KIAA1671: variants seen among roughly 807,000 people sequenced by gnomAD.
The protein encoded by KIAA1671 is uncharacterized protein KIAA1671.
Under a neutral mutation model 131.2 loss-of-function variants are expected in KIAA1671, and 52 were observed. The ratio of observed to expected loss-of-function variants is 0.40; its 90% CI spans 0.32 to 0.50. The LOEUF is 0.50. Ranked by LOEUF, KIAA1671 falls within the 20% of genes least tolerant of loss-of-function variation. The pLI, the probability that KIAA1671 is intolerant of heterozygous loss-of-function variation, is 0.73. For synonymous variants in KIAA1671, 1,003 were observed against 961.6 expected (o/e 1.04, Z -0.80); for missense variants, 2,360 against 2,364.2 (o/e 1.00, Z 0.04).
chr22:24,994,832 T>C (rs1301835152), intron 1 of KIAA1671, among the ~76,000 whole-genome samples: 1 of 152,120 alleles, frequency 6.6e-6, no homozygotes, highest in African/African-American at 2.4e-5. Context: ...AGAGCTGTTG[T>C]ATCCTGAGCA....
chr22:25,140,276 T>C (rs1471579661), intron 6 of KIAA1671, among the ~76,000 whole-genome samples: 2 of 152,250 alleles, frequency 1.3e-5, no homozygotes, highest in Admixed American at 1.3e-4. Flanking sequence ...CTGTCCGCAG[T>C]TCCTTGCCAC....
chr22:25,119,437 C>T (rs1386377891), intron 6 of KIAA1671, among the ~76,000 whole-genome samples: 1 of 152,158 alleles, frequency 6.6e-6, no homozygotes, highest in Non-Finnish European at 1.5e-5. Context: ...TAATAAAAAC[C>T]ACTCATTCAT....
rs1569004384 is a variant in KIAA1671, at chr22:25,196,541, C to T, written c.*4140C>T. The T allele has an allele frequency of 1.3e-5, 2 of 152,104 alleles. No homozygotes were observed. The highest frequency in any genetic ancestry group is 2.9e-5 in the Non-Finnish European group (2 of 68,086). 9.4% of individuals were successfully genotyped at this position (152,104 alleles called of 1,614,324 possible). On this transcript the variant is annotated 3_prime_UTR_variant, in exon 13 of 13. Transcript: ENST00000358431. ...CCTCCAACTCCTGGGCTCAAGCAAT[C>T]CTCTCATCTCCACCTCCAGAGTAGC...
chr22:25,185,239 T>G, intron 11 of KIAA1671, 120 bp downstream of exon 11: 4 of 1,073,110 alleles, frequency 3.7e-6, no homozygotes, highest in Non-Finnish European at 5.2e-6. Flanking sequence ...TAATTTTCTC[T>G]AGCAGCAGAA....
intron 6 of KIAA1671, among the ~76,000 whole-genome samples, chr22:25,065,938 C>A (rs535616534): frequency 6.6e-6 from 1 of 152,186 alleles, no homozygotes; most frequent in East Asian, 1.9e-4. Flanking sequence ...TGCGCCTGAT[C>A]GAGACTGGGT....
intron 6 of KIAA1671, among the ~76,000 whole-genome samples, chr22:25,156,277 G>A (rs1407564532): frequency 1.3e-5 from 2 of 151,618 alleles, no homozygotes; most frequent in Non-Finnish European, 2.9e-5. Context: ...CGCCCTCCTC[G>A]GCTTCCCAAA....
At chr22:24,962,627 G>T (rs960102195) in intron 1 of KIAA1671, among the ~76,000 whole-genome samples, 1 of 152,216 alleles carries the variant, frequency 6.6e-6, no homozygotes, top group Non-Finnish European at 1.5e-5. Context: ...AGCATTAAAT[G>T]TGTTAACACA....
At chr22:24,971,831 G>C (rs1922631690) in intron 1 of KIAA1671, among the ~76,000 whole-genome samples, 1 of 152,162 alleles carries the variant, frequency 6.6e-6, no homozygotes, top group South Asian at 2.1e-4. Flanking sequence ...CCTCAAACAG[G>C]CTGGAATTCT....
chr22:25,027,845 TG>T, intron 2 of KIAA1671, 99 bp from the exon 3 acceptor site: 2 of 617,822 alleles, frequency 3.2e-6, no homozygotes, highest in Non-Finnish European at 5.4e-6. Context: ...GTATGGAATC[TG>T]GGGCTCAGGA....
Position 25,040,966 on chromosome 22 carries a change from A to C in KIAA1671, c.3836A>C (p.Gln1279Pro), listed in dbSNP as rs931986721. Residue 1279 changes from glutamine (Q) to proline (P), a missense_variant, in exon 5 of 13, where the codon CAG becomes CCG. By Grantham distance (76) the Gln-to-Pro change is moderately conservative (BLOSUM62 -1). Around this residue, in one of 3 missense-constraint regions of KIAA1671, gnomAD observed 1,161 missense variants for 1,204.7 expected, o/e 0.96. Transcript: ENST00000358431. ...AGTTTCACTCCTGGCTTAGGCAAGC[A>C]GCTGGCAGAGACCTTGGAGACAGCC... ...NHSFTPGLGK[Q>P]LAETLETAMG... The C allele has an allele frequency of 2.0e-4, 298 of 1,475,668 alleles. No individual in the cohort carries two copies. The highest frequency in any genetic ancestry group is 2.6e-4 in the Non-Finnish European group (292 of 1,112,610). The allele number at this position is 1,475,668 out of a possible 1,614,324, so 91.4% of individuals were successfully genotyped here.
Position 25,177,376 on chromosome 22 carries a change from T to C in KIAA1671, c.4928T>C (p.Leu1643Pro). 1.3e-6 allele frequency: 2 copies of C among 1,551,634 alleles called. No individual in the cohort carries two copies. Among genetic ancestry groups the C allele is most frequent in the Non-Finnish European group, 1.7e-6 (2 of 1,146,970 alleles). Residue 1643 changes from leucine to proline, a missense_variant, in exon 9 of 13, where the codon CTC becomes CCC. Transcript: ENST00000358431. ...ACCTCAGTCCTCGACTCAAGTGCCC[T>C]CAAGACCCGGGTGCAGCTCAGCAAG... is the stretch of plus-strand genomic sequence containing the variant. ...DQTSVLDSSA[L>P]KTRVQLSKRS...
At chr22:25,140,206 G>T (rs1234810027) in intron 6 of KIAA1671, among the ~76,000 whole-genome samples, 3 of 152,142 alleles carry the variant, frequency 2.0e-5, no homozygotes, top group African/African-American at 7.2e-5. Context: ...CATTTCCTTG[G>T]GGTAGAGGAC....
At position 25,181,841 on chromosome 22, in the gene KIAA1671, A is replaced by T; in HGVS notation, c.5199+18A>T. 1.3e-6 allele frequency: 2 copies of T among 1,549,428 alleles called. No individual in the cohort carries two copies. Among genetic ancestry groups the T allele is most frequent in the South Asian group, 2.4e-5 (2 of 84,024 alleles). The stretch of plus-strand genomic sequence containing the variant: ...TGCTAAAGGTACCAGACCTCTCACC[A>T]AGAGTCACCTGGTGGGCATGATCCT... On this transcript the variant is annotated intron_variant, in intron 10 of 12. Transcript: ENST00000358431.
At position 25,025,618 on chromosome 22, in the gene KIAA1671, C is replaced by A. The variant is rs1925910289; in HGVS notation, c.-207-15C>A. The A allele has an allele frequency of 6.6e-6, 1 of 152,242 alleles. No individual in the cohort carries two copies. The highest frequency in any genetic ancestry group is 6.5e-5 in the Admixed American group (1 of 15,290). The allele number at this position is 152,242 out of a possible 1,614,324, so 9.4% of individuals were successfully genotyped here. On this transcript the variant is annotated splice_polypyrimidine_tract_variant and intron_variant, in intron 1 of 12. Coordinates refer to ENST00000358431, the MANE Select transcript of KIAA1671 (RefSeq NM_001145206.2). The stretch of plus-strand genomic sequence containing the variant: ...AGAACTCCGGAACTGAGGCTGTCAT[C>A]CTGTGTCTCCTTAGACCTGCTGAAA...
intron 4 of KIAA1671, among the ~76,000 whole-genome samples, chr22:25,033,884 T>A (rs1926441004): frequency 6.6e-6 from 1 of 151,820 alleles, no homozygotes; most frequent in East Asian, 1.9e-4. Flanking sequence ...CTGGCCCAGT[T>A]TTTTTAAAAA....
At chr22:25,129,037 C>G (rs556423265) in intron 6 of KIAA1671, among the ~76,000 whole-genome samples, 1 of 152,234 alleles carries the variant, frequency 6.6e-6, no homozygotes, top group East Asian at 1.9e-4. Flanking sequence ...TGCCAGGGCC[C>G]TGGGTGCAGA....
chr22:25,164,107 C>A (rs1045559097), intron 6 of KIAA1671, among the ~76,000 whole-genome samples: 3 of 152,160 alleles, frequency 2.0e-5, no homozygotes, highest in Admixed American at 2.0e-4. Context: ...GCAAGCCAGT[C>A]CAGGCAAGTG....
In KIAA1671 at chr22:25,041,242, A is replaced by G. The variant is rs1450365363; in HGVS notation, c.4112A>G (p.Gln1371Arg). The G allele has an allele frequency of 1.9e-6, 3 of 1,551,640 alleles. No individual in the cohort carries two copies. The highest frequency in any genetic ancestry group is 2.7e-5 in the African/African-American group (2 of 73,066). The stretch of plus-strand genomic sequence containing the variant: ...TCACCCAAATCGCCCCCCACTGACC[A>G]GAAGAAAGGGACCCCAAGGAAATCC... The part of the protein sequence containing the change: ...RVSPKSPPTD[Q>R]KKGTPRKSTG... The change falls in exon 5 of 13, where the codon CAG (glutamine) becomes CGG (arginine). Residue 1371 changes from glutamine (Q) to arginine (R), a missense_variant. Gln to Arg is a conservative substitution (Grantham distance 43). Coordinates refer to ENST00000358431, the MANE Select transcript of KIAA1671 (RefSeq NM_001145206.2).
intron 4 of KIAA1671, among the ~76,000 whole-genome samples, chr22:25,036,995 G>A (rs1200127782): frequency 2.0e-5 from 3 of 152,046 alleles, no homozygotes; most frequent in African/African-American, 7.2e-5. Flanking sequence ...AATCAAAATG[G>A]ATTCATGTAT....
Sources: allele counts gnomAD v4.1 joint callset (sites outside exome capture counted in the v4.1 genomes callset), GRCh38; gene constraint gnomAD v4.1.1; regional missense constraint gnomAD v4.1.1; transcripts MANE v1.5; gene names NCBI Gene and HGNC (gene_info 2026-07-23, HGNC 2026-07-21).